The following DGKB variants were observed in gnomAD, a reference collection of about 807,000 sequenced individuals.
DGKB encodes the protein diacylglycerol kinase beta, also known as 90 kDa diacylglycerol kinase.
Under a neutral mutation model 114.3 loss-of-function variants are expected in DGKB, and 67 were observed. The observed-to-expected ratio is 0.59, with a 90% CI of 0.48 to 0.72. DGKB has a LOEUF of 0.72. Among genes scored for constraint, DGKB ranks in the 30% least tolerant of loss-of-function variants. The pLI, the probability that DGKB is intolerant of heterozygous loss-of-function variation, is 0.00. For synonymous variants in DGKB, 398 were observed against 323.1 expected (o/e 1.23, Z -2.49); for missense variants, 907 against 975.2 (o/e 0.93, Z 0.93).
intron 23 of DGKB, among the ~76,000 whole-genome samples, chr7:14,300,111 T>C (rs1026525207): frequency 6.6e-6 from 1 of 152,086 alleles, no homozygotes; most frequent in African/African-American, 2.4e-5. Flanking sequence ...TAAAATACTA[T>C]AAAAGAGCTC....
At chr7:14,383,548 C>T (rs1055865159) in intron 21 of DGKB, among the ~76,000 whole-genome samples, 1 of 152,182 alleles carries the variant, frequency 6.6e-6, no homozygotes, top group Non-Finnish European at 1.5e-5. Flanking sequence ...TGTCTTTCTG[C>T]TCTGCCATCT....
chr7:14,715,008 T>C (rs1459536414), intron 6 of DGKB, among the ~76,000 whole-genome samples: 1 of 152,156 alleles, frequency 6.6e-6, no homozygotes, highest in Admixed American at 6.6e-5. Context: ...TTTAATCTAA[T>C]CCTCATAGTT....
chr7:14,305,463 A>T (rs181481002), intron 23 of DGKB, among the ~76,000 whole-genome samples: 5 of 152,272 alleles, frequency 3.3e-5, no homozygotes, highest in Non-Finnish European at 7.4e-5. Context: ...TGAGGTTGAC[A>T]TGGAGGAGAA....
At chr7:14,505,452 T>TC (rs1346188471) in intron 20 of DGKB, among the ~76,000 whole-genome samples, 1 of 145,848 alleles carries the variant, frequency 6.9e-6, no homozygotes, top group East Asian at 2.5e-4. Context: ...AGACTCCGTC[T>TC]CGAAAAAAAA....
chr7:14,247,605 T>C (rs773489823), intron 23 of DGKB, among the ~76,000 whole-genome samples: 1 of 152,108 alleles, frequency 6.6e-6, no homozygotes, highest in Non-Finnish European at 1.5e-5. Context: ...ATAAGTGATG[T>C]TGAGCATTTC....
At chr7:14,835,619 G>A (rs754290514) in intron 2 of DGKB, among the ~76,000 whole-genome samples, 7 of 152,142 alleles carry the variant, frequency 4.6e-5, no homozygotes, top group Non-Finnish European at 7.3e-5. Flanking sequence ...TGACAAACGG[G>A]CAAGAGGGCT....
intron 1 of DGKB, among the ~76,000 whole-genome samples, chr7:14,886,384 GAC>G (rs1855053930): frequency 6.6e-6 from 1 of 151,676 alleles, no homozygotes; most frequent in South Asian, 2.1e-4. Flanking sequence ...AGGAGATGAG[GAC>G]GGCTCAAAAG....
intron 21 of DGKB, among the ~76,000 whole-genome samples, chr7:14,449,252 G>A (rs12534446): frequency 0.18 from 26,730 of 151,906 alleles, 3,083 homozygotes; most frequent in East Asian, 0.32. Flanking sequence ...AGCAATAGCC[G>A]AGTGTTAAAT....
chr7:14,517,966 C>T (rs778645076), intron 20 of DGKB, among the ~76,000 whole-genome samples: 14 of 152,044 alleles, frequency 9.2e-5, no homozygotes, highest in Admixed American at 2.0e-4. Context: ...CTGGGGTATA[C>T]GCCCAAAGGG....
intron 21 of DGKB, among the ~76,000 whole-genome samples, chr7:14,386,953 AAT>A (rs1820439623): frequency 6.6e-6 from 1 of 152,108 alleles, no homozygotes; most frequent in East Asian, 1.9e-4. Context: ...TGACTATTAA[AAT>A]AGTCATTAAA....
At chr7:14,287,958 A>G (rs935477121) in intron 23 of DGKB, among the ~76,000 whole-genome samples, 5 of 152,132 alleles carry the variant, frequency 3.3e-5, no homozygotes, top group Admixed American at 6.6e-5. Flanking sequence ...TCCTGTTGGA[A>G]TACACTGGAC....
intron 23 of DGKB, among the ~76,000 whole-genome samples, chr7:14,232,312 T>C (rs1223598977): frequency 6.6e-6 from 1 of 151,864 alleles, no homozygotes; most frequent in African/African-American, 2.4e-5. Context: ...CCATATGTCT[T>C]TTTAGGCAAA....
intron 25 of DGKB, among the ~76,000 whole-genome samples, chr7:14,159,929 T>C (rs1783609021): frequency 6.6e-6 from 1 of 152,140 alleles, no homozygotes; most frequent in Non-Finnish European, 1.5e-5. Context: ...GCCCTCGGCC[T>C]CTTAGAGTGC....
intron 20 of DGKB, among the ~76,000 whole-genome samples, chr7:14,554,779 A>G (rs1321688760): frequency 6.6e-6 from 1 of 152,140 alleles, no homozygotes; most frequent in Admixed American, 6.5e-5. Flanking sequence ...TTTATCGTTC[A>G]TTGTTAACTA....
intron 16 of DGKB, among the ~76,000 whole-genome samples, chr7:14,611,973 T>C (rs113819865): frequency 4.3e-4 from 65 of 151,806 alleles, no homozygotes; most frequent in South Asian, 2.5e-3. Flanking sequence ...TGACTGTAAA[T>C]AGTAAAGAAG....
intron 4 of DGKB, among the ~76,000 whole-genome samples, chr7:14,753,039 C>G (rs570165615): frequency 6.6e-6 from 1 of 152,246 alleles, no homozygotes; most frequent in African/African-American, 2.4e-5. Flanking sequence ...TTACCAATGT[C>G]TCTTTATAGA....
chr7:14,212,384 GATAT>G (rs1474578133), intron 23 of DGKB, among the ~76,000 whole-genome samples: 2 of 48,680 alleles, frequency 4.1e-5, no homozygotes, highest in Non-Finnish European at 8.6e-5. Flanking sequence ...CGTGTTTTGT[GATAT>G]TTACTCTCAT....
intron 5 of DGKB, among the ~76,000 whole-genome samples, chr7:14,724,199 T>C (rs1829683479): frequency 1.3e-5 from 2 of 152,192 alleles, no homozygotes; most frequent in Middle Eastern, 3.2e-3. Flanking sequence ...ATTTATCACA[T>C]AGTATAATTA....
intron 15 of DGKB, among the ~76,000 whole-genome samples, chr7:14,620,554 T>C (rs894178547): frequency 9.2e-5 from 14 of 151,768 alleles, no homozygotes; most frequent in Admixed American, 7.2e-4. Flanking sequence ...TGTTAAATTG[T>C]TGGTAAATAT....
Sources: gnomAD v4.1 joint callset for allele counts (sites outside exome capture counted in the v4.1 genomes callset) on GRCh38, gnomAD v4.1.1 for gene constraint, MANE v1.5 for transcripts, NCBI Gene and HGNC (gene_info 2026-07-23, HGNC 2026-07-21) for gene names.